ECHDC2: variants seen among roughly 807,000 people sequenced by gnomAD.
The protein encoded by ECHDC2 is enoyl-CoA hydratase domain-containing protein 2, mitochondrial.
In ECHDC2, 34 loss-of-function variants were observed where a neutral mutation model predicts 40.6. The observed-to-expected ratio is 0.84, with a 90% confidence interval of 0.64 to 1.11. ECHDC2 has a LOEUF of 1.11. ECHDC2 is among the 50% of genes most tolerant of loss of function. ECHDC2 has a pLI of 0.00. For synonymous variants in ECHDC2, 162 were observed against 166.6 expected (o/e 0.97, Z 0.21); for missense variants, 392 against 400.7 (o/e 0.98, Z 0.19).
chr1:52,916,438 C>T (rs985295103), intron 1 of ECHDC2, among the ~76,000 whole-genome samples: 1 of 152,146 alleles, frequency 6.6e-6, no homozygotes, highest in African/African-American at 2.4e-5. Flanking sequence ...ACACACCAGC[C>T]CCATGGCCTT....
At chr1:52,897,918 AAAT>A (rs1468100681) in intron 8 of ECHDC2, 2 of 252,282 alleles carry the variant, frequency 7.9e-6, no homozygotes, top group Admixed American at 4.6e-5. Flanking sequence ...TAGAAAGGTG[AAAT>A]AATTTGTCAA....
intron 5 of ECHDC2, chr1:52,905,333 T>G: frequency 1.8e-6 from 1 of 559,230 alleles, no homozygotes; most frequent in Non-Finnish European, 3.2e-6. Flanking sequence ...GTCTCACCCT[T>G]CCCAAGCCTC....
In ECHDC2 at chr1:52,897,135, A is replaced by T. The variant is rs561273635; in HGVS notation, c.801+302T>A. On this transcript the variant is annotated intron_variant, in intron 9 of 9. Coordinates refer to ENST00000371522, the MANE Select transcript of ECHDC2 (RefSeq NM_001198961.2). ...ACCTCCCAACTCCATCCTGAACTTT[A>T]CAGTGGCATCTGATACAGAGGCAAA... is the stretch of plus-strand genomic sequence containing the variant. The T allele has an allele frequency of 8.5e-5, 41 of 480,194 alleles. No homozygotes were observed. In the East Asian group the frequency reaches 1.4e-3, roughly 17 times the overall value. The allele number at this position is 480,194 out of a possible 1,614,324, so 29.7% of individuals were successfully genotyped here.
At chr1:52,903,671 G>A (rs930300822) in intron 7 of ECHDC2, among the ~76,000 whole-genome samples, 2 of 151,710 alleles carry the variant, frequency 1.3e-5, no homozygotes, top group Non-Finnish European at 2.9e-5. Context: ...AGGCTGAGGC[G>A]GGAGGATCAC....
chr1:52,920,369 G>C (rs1651602802), intron 1 of ECHDC2: 2 of 687,652 alleles, frequency 2.9e-6, no homozygotes, highest in East Asian at 5.4e-5. Flanking sequence ...CCGGTAAAAA[G>C]GAAGCAATAC....
intron 1 of ECHDC2, chr1:52,913,022 T>G (rs1478971196): frequency 1.3e-5 from 2 of 152,306 alleles, no homozygotes; most frequent in East Asian, 1.9e-4. Context: ...TGTGCATCCT[T>G]AGGTATCATA....
intron 3 of ECHDC2, among the ~76,000 whole-genome samples, chr1:52,910,354 T>A (rs1270879522): frequency 3.6e-5 from 1 of 28,058 alleles, no homozygotes; most frequent in African/African-American, 2.0e-4. Context: ...ACAATTTCGT[T>A]TTTTTTTTTT....
In ECHDC2 at chr1:52,911,062, C is replaced by T. The variant is rs543076438; in HGVS notation, c.277+504G>A. ...TGCAATCTCAGCTCACTGCAACCTC[C>T]GCCTCCCGGGTTCAAGCAATTCTCC... On this transcript the variant is annotated intron_variant, in intron 3 of 9. Transcript: ENST00000371522. 3.9e-5 allele frequency among the ~76,000 whole-genome samples: 6 copies of T among 152,252 alleles called. No homozygotes were observed. In the South Asian group the frequency reaches 1.0e-3, roughly 26 times the overall value.
At chr1:52,917,056 T>C (rs995547843) in intron 1 of ECHDC2, among the ~76,000 whole-genome samples, 25 of 151,714 alleles carry the variant, frequency 1.6e-4, no homozygotes, top group African/African-American at 5.6e-4. Context: ...AACCCCGTCT[T>C]TACTAAAAAG....
intron 5 of ECHDC2, chr1:52,905,305 G>C: frequency 1.7e-6 from 1 of 582,408 alleles, no homozygotes; most frequent in Non-Finnish European, 3.1e-6. Context: ...CTTTGATGGA[G>C]TTGTAAGTCA....
intron 7 of ECHDC2, among the ~76,000 whole-genome samples, chr1:52,904,006 C>T (rs762527779): frequency 5.3e-5 from 8 of 151,864 alleles, no homozygotes; most frequent in Non-Finnish European, 1.0e-4. Context: ...TTAGTAGAGA[C>T]GGGGTTTCAC....
At chr1:52,919,259 C>T (rs1651389867) in intron 1 of ECHDC2, among the ~76,000 whole-genome samples, 1 of 152,162 alleles carries the variant, frequency 6.6e-6, no homozygotes, top group South Asian at 2.1e-4. Flanking sequence ...AGTGCAGCTT[C>T]CAGTCCTGCA....
intron 7 of ECHDC2, chr1:52,901,022 G>T (rs1448932318): frequency 6.6e-6 from 1 of 152,088 alleles, no homozygotes; most frequent in Non-Finnish European, 1.5e-5. Context: ...GCTGGGCGTG[G>T]TGACTTGCAC....
In ECHDC2 at chr1:52,914,138, A is replaced by G. The variant is rs909537031; in HGVS notation, c.122-2348T>C. The G allele has an allele frequency of 4.3e-5, 21 of 485,164 alleles. No homozygotes were observed. The highest frequency in any genetic ancestry group is 2.4e-4 in the Admixed American group (10 of 42,094). The allele number at this position is 485,164 out of a possible 1,614,324, so 30.1% of individuals were successfully genotyped here. ...CATTAAATAATTACTATTTGTGAGGAGAACTTGGAGAAAAAGGACAAACAA... is the reference window on the plus strand; with the variant it reads ...CATTAAATAATTACTATTTGTGAGGGGAACTTGGAGAAAAAGGACAAACAA... On this transcript the variant is annotated intron_variant, in intron 1 of 9. Coordinates refer to ENST00000371522, the MANE Select transcript of ECHDC2 (RefSeq NM_001198961.2). This position sits in a 1 kb window ranked among gnomAD's most constrained non-coding sequence, Gnocchi z 4.0.
intron 3 of ECHDC2, 124 bp downstream of exon 3, chr1:52,911,442 G>T (rs1288974161): frequency 3.3e-6 from 3 of 901,318 alleles, no homozygotes; most frequent in Non-Finnish European, 5.2e-6. Flanking sequence ...CTGAGTCTCT[G>T]CATTCACATC....
At chr1:52,903,697 T>C (rs1347931743) in intron 7 of ECHDC2, among the ~76,000 whole-genome samples, 1 of 151,804 alleles carries the variant, frequency 6.6e-6, no homozygotes, top group African/African-American at 2.4e-5. Context: ...CCCAGGAGTT[T>C]AAAACTGCAG....
intron 1 of ECHDC2, among the ~76,000 whole-genome samples, chr1:52,919,069 A>T (rs900124094): frequency 6.6e-6 from 1 of 152,128 alleles, no homozygotes; most frequent in African/African-American, 2.4e-5. Flanking sequence ...GGTTGTTGCG[A>T]GCTCCTTATG....
At chr1:52,912,140 T>C in intron 1 of ECHDC2, 1 of 767,688 alleles carries the variant, frequency 1.3e-6, no homozygotes, top group Non-Finnish European at 1.7e-6. Flanking sequence ...CCATGTACCT[T>C]CTTTAATTTT....
Position 52,897,417 on chromosome 1 carries a change from A to G in ECHDC2, c.801+20T>C, listed in dbSNP as rs751865611. 3 of 1,613,698 alleles carry G rather than the reference A, an allele frequency of 1.9e-6. No homozygotes were observed. The highest frequency in any genetic ancestry group is 1.7e-6 in the Non-Finnish European group (2 of 1,179,580). On this transcript the variant is annotated intron_variant, in intron 9 of 9. Coordinates refer to ENST00000371522, the MANE Select transcript of ECHDC2 (RefSeq NM_001198961.2). The stretch of plus-strand genomic sequence containing the variant: ...GCCCAGCCTATGTTAACAAGCAGGC[A>G]TGGGCTGGTTGCTACATACCTGGGC...
Sources: gnomAD v4.1 joint callset for allele counts (sites outside exome capture counted in the v4.1 genomes callset) on GRCh38, gnomAD v4.1.1 for gene constraint, Gnocchi (gnomAD v3.1) non-coding constraint, MANE v1.5 for transcripts, NCBI Gene and HGNC (gene_info 2026-07-23, HGNC 2026-07-21) for gene names.